The following CNTNAP3B variants were observed in gnomAD, a reference collection of about 807,000 sequenced individuals.
The protein encoded by CNTNAP3B is contactin-associated protein-like 3B.
CNTNAP3B carries 25 observed loss-of-function variants against 108.9 expected under a neutral mutation model. That is an observed-to-expected ratio of 0.23 (90% CI 0.17 to 0.32). The LOEUF is 0.32. Ranked by LOEUF, CNTNAP3B falls within the 10% of genes least tolerant of loss-of-function variation. The probability of loss-of-function intolerance (pLI) is 1.00; values close to 1 mark genes in which losing one functional copy is unlikely to be tolerated. For missense variants in CNTNAP3B, 252 were observed against 1,210.4 expected (o/e 0.21, Z 11.75); for synonymous variants, 103 against 473.4 (o/e 0.22, Z 10.16).
intron 3 of CNTNAP3B, among the ~76,000 whole-genome samples, chr9:42,061,339 G>C (rs1197835903): frequency 2.7e-5 from 1 of 36,650 alleles, no homozygotes; most frequent in Non-Finnish European, 5.5e-5. Context: ...TTTTTTTTTT[G>C]AGACAGTCTC....
At chr9:41,924,448 G>A (rs1172717152) in intron 15 of CNTNAP3B, among the ~76,000 whole-genome samples, 8 of 152,296 alleles carry the variant, frequency 5.3e-5, no homozygotes, top group Admixed American at 3.9e-4. Flanking sequence ...TGAGAAGAAG[G>A]GTGGAGTCTG....
At chr9:41,934,933 C>T (rs1824110337) in intron 14 of CNTNAP3B, among the ~76,000 whole-genome samples, 1 of 152,280 alleles carries the variant, frequency 6.6e-6, no homozygotes, top group African/African-American at 2.4e-5. Context: ...CACAAAAGTC[C>T]TATTTAAATT....
At chr9:42,061,286 T>A (rs1212970334) in intron 3 of CNTNAP3B, among the ~76,000 whole-genome samples, 4 of 120,270 alleles carry the variant, frequency 3.3e-5, no homozygotes, top group Non-Finnish European at 6.8e-5. Flanking sequence ...GCATGTTGTT[T>A]CATTTCCATG....
At chr9:41,997,826 T>C in intron 5 of CNTNAP3B, 74 bp from the exon 6 acceptor site, 1 of 1,321,148 alleles carries the variant, frequency 7.6e-7, no homozygotes, top group South Asian at 1.3e-5. Context: ...AGCATCACAG[T>C]TTGCATCCAA....
In CNTNAP3B at chr9:42,026,545, CCACGG is replaced by C. The variant is rs1260010619; in HGVS notation, c.391-13025_391-13021del. On this transcript the variant is annotated intron_variant, in intron 3 of 23. Coordinates refer to ENST00000377561, the MANE Select transcript of CNTNAP3B (RefSeq NM_001201380.3). ...GAGCTTGCAGCGAGCCCAGATGGCT[CCACGG>C]CACGGCACTCCAGCCCGGGCGACAG... Among the ~76,000 whole-genome samples the C allele has an allele frequency of 9.6e-4, 91 of 94,926 alleles. 17 individuals are homozygous for C. The highest frequency in any genetic ancestry group is 3.7e-3 in the African/African-American group (91 of 24,534). The allele number at this position is 94,926 out of a possible 152,430, so 62.3% of individuals were successfully genotyped here. A position where few individuals can be genotyped will look rare whatever the true frequency, so the allele number is the denominator to read the frequency against.
chr9:41,961,631 A>G (rs1825094702), intron 11 of CNTNAP3B, among the ~76,000 whole-genome samples: 2 of 152,300 alleles, frequency 1.3e-5, no homozygotes. Context: ...GAGCATTTTA[A>G]AGAGATAAAT....
intron 13 of CNTNAP3B, among the ~76,000 whole-genome samples, chr9:41,942,547 C>A (rs1203945501): frequency 6.7e-6 from 1 of 150,122 alleles, no homozygotes; most frequent in East Asian, 1.9e-4. Flanking sequence ...GGAGACGGAG[C>A]TTGCAGTCAG....
At chr9:41,964,070 T>C (rs1349728434) in intron 11 of CNTNAP3B, among the ~76,000 whole-genome samples, 3 of 152,302 alleles carry the variant, frequency 2.0e-5, no homozygotes, top group African/African-American at 7.2e-5. Context: ...TCTTGCCATG[T>C]ACAATCCCAT....
At chr9:41,997,052 T>C (rs1238654888) in intron 6 of CNTNAP3B, among the ~76,000 whole-genome samples, 1 of 120,298 alleles carries the variant, frequency 8.3e-6, no homozygotes, top group Non-Finnish European at 1.7e-5. Context: ...GGGCAATGGG[T>C]TGCAAAAAGC....
chr9:42,070,427 C>T (rs1329167951), intron 3 of CNTNAP3B, among the ~76,000 whole-genome samples: 1 of 149,122 alleles, frequency 6.7e-6, no homozygotes, highest in African/African-American at 2.5e-5. Flanking sequence ...CCCACAGGTG[C>T]AGCTGTTTGG....
At chr9:41,951,803 G>A (rs1345870919) in intron 13 of CNTNAP3B, among the ~76,000 whole-genome samples, 2 of 152,192 alleles carry the variant, frequency 1.3e-5, no homozygotes, top group African/African-American at 2.4e-5. Context: ...AGGGCCGGGC[G>A]CGGTGGCTCA....
intron 3 of CNTNAP3B, among the ~76,000 whole-genome samples, chr9:42,067,841 TAC>T (rs1466458775): frequency 1.5e-5 from 2 of 131,610 alleles, no homozygotes; most frequent in African/African-American, 6.2e-5. Context: ...AGGAATTTTC[TAC>T]AGAGGCACAC....
At chr9:41,943,930 C>T (rs1366046764) in intron 13 of CNTNAP3B, among the ~76,000 whole-genome samples, 7 of 152,332 alleles carry the variant, frequency 4.6e-5, no homozygotes, top group East Asian at 3.9e-4. Context: ...AATAAAATCT[C>T]GAAATAAACC....
intron 2 of CNTNAP3B, among the ~76,000 whole-genome samples, chr9:42,086,817 A>G (rs1224597189): frequency 9.3e-6 from 1 of 107,364 alleles, no homozygotes; most frequent in East Asian, 3.1e-4. Flanking sequence ...TGGTAAGTAC[A>G]TGCTTTTACT....
Position 42,090,983 on chromosome 9 carries a change from C to CAT in CNTNAP3B, c.196+13645_196+13646insAT, listed in dbSNP as rs1185902391. On this transcript the variant is annotated intron_variant, in intron 2 of 23. Coordinates refer to ENST00000377561, the MANE Select transcript of CNTNAP3B (RefSeq NM_001201380.3). Reference sequence around the variant, plus strand: ...CTAAATATATATATATACACACACACACACACACACACACACACATATAGT... The same window carrying CAT: ...CTAAATATATATATATACACACACACATACACACACACACACACACATATAGT... Among the ~76,000 whole-genome samples, 53 of 48,642 alleles carry CAT rather than the reference C, an allele frequency of 1.1e-3. 13 individuals carry two copies. Among genetic ancestry groups the CAT allele is most frequent in the African/African-American group, 2.8e-3 (53 of 18,658 alleles). 31.9% of individuals were successfully genotyped at this position (48,642 alleles called of 152,430 possible). A position where few individuals can be genotyped will look rare whatever the true frequency, so the allele number is the denominator to read the frequency against.
chr9:41,945,887 G>C (rs1451114756), intron 13 of CNTNAP3B, among the ~76,000 whole-genome samples: 2 of 152,236 alleles, frequency 1.3e-5, no homozygotes, highest in East Asian at 3.9e-4. Context: ...TGAAGAGCTA[G>C]AGAAAGATAT....
Position 42,066,423 on chromosome 9 carries a change from CTTTT to C in CNTNAP3B, c.390+10442_390+10445del, listed in dbSNP as rs1158361481. Among the ~76,000 whole-genome samples, 21 of 53,094 alleles carry C rather than the reference CTTTT, an allele frequency of 4.0e-4. 1 individual carries two copies. Among genetic ancestry groups the C allele is most frequent in the East Asian group, 2.5e-3 (3 of 1,202 alleles). The allele number at this position is 53,094 out of a possible 152,430, so 34.8% of individuals were successfully genotyped here. A position where few individuals can be genotyped will look rare whatever the true frequency, so the allele number is the denominator to read the frequency against. Reference sequence around the variant, plus strand: ...TATTAAAAAATGTGAGCTGTTGAATCTTTTTTTTTTTTTTTTTTTTGAGACAGAG... The same window carrying C: ...TATTAAAAAATGTGAGCTGTTGAATCTTTTTTTTTTTTTTTTGAGACAGAG... On this transcript the variant is annotated intron_variant, in intron 3 of 23. Coordinates refer to ENST00000377561, the MANE Select transcript of CNTNAP3B (RefSeq NM_001201380.3).
rs1176396647 is a variant in CNTNAP3B at position 42,037,450 on chromosome 9, C to A, written c.391-23925G>T. ...GAAGTCCTTAAATGACCTGATGGAGCAGAAACCATGGCAAAAGAACCACAT... is the reference window on the plus strand; with the variant it reads ...GAAGTCCTTAAATGACCTGATGGAGAAGAAACCATGGCAAAAGAACCACAT... On this transcript the variant is annotated intron_variant, in intron 3 of 23. Transcript: ENST00000377561. 3.9e-5 allele frequency among the ~76,000 whole-genome samples: 5 copies of A among 129,542 alleles called. 1 individual carries two copies. The highest frequency in any genetic ancestry group is 1.6e-4 in the African/African-American group (5 of 31,802). The allele number at this position is 129,542 out of a possible 152,430, so 85.0% of individuals were successfully genotyped here.
intron 2 of CNTNAP3B, among the ~76,000 whole-genome samples, chr9:42,098,893 C>T (rs1345981952): frequency 7.6e-6 from 1 of 131,488 alleles, no homozygotes; most frequent in East Asian, 2.5e-4. Context: ...TCTGCTTCCC[C>T]ATCTTTGTTC....
Sources: allele counts gnomAD v4.1 joint callset (sites outside exome capture counted in the v4.1 genomes callset), GRCh38; gene constraint gnomAD v4.1.1; transcripts MANE v1.5; gene names NCBI Gene and HGNC (gene_info 2026-07-23, HGNC 2026-07-21).